Variants in XPO1 observed in about 807,000 individuals in gnomAD.
XPO1 encodes exportin 1, also known as exportin-1.
Under a neutral mutation model 133.3 loss-of-function variants are expected in XPO1, and 5 were observed. The ratio of observed to expected loss-of-function variants is 0.04; its 90% confidence interval spans 0.02 to 0.08. XPO1 has a LOEUF of 0.08. Ranked by LOEUF, XPO1 falls within the 10% of genes least tolerant of loss-of-function variation. XPO1 has a pLI of 1.00. For missense variants in XPO1, 506 were observed against 1,267.5 expected (o/e 0.40, Z 9.12); for synonymous variants, 419 against 408.2 (o/e 1.03, Z -0.32).
chr2:61,523,037 C>T (rs985136042), intron 3 of XPO1, among the ~76,000 whole-genome samples: 1 of 152,200 alleles, frequency 6.6e-6, no homozygotes, highest in African/African-American at 2.4e-5. Context: ...CATAGGCTCA[C>T]GTACTTTAAC....
chr2:61,528,005 C>T (rs1397050893), intron 2 of XPO1, among the ~76,000 whole-genome samples: 1 of 151,450 alleles, frequency 6.6e-6, no homozygotes, highest in African/African-American at 2.4e-5. Context: ...CGACTCACTG[C>T]AACCTTCACC....
intron 16 of XPO1, among the ~76,000 whole-genome samples, chr2:61,491,463 C>A (rs1573125891): frequency 2.3e-5 from 1 of 44,090 alleles, no homozygotes; most frequent in African/African-American, 6.2e-5. Context: ...AAAACAAACA[C>A]ACACACACAC....
rs528408506 is a variant in XPO1, at chr2:61,530,831, C to CA, written c.126+2940dup. ...TCATTAGTGCATATTTTATGAGTAG[C>CA]AAAAAAAAAATTTTTTTAATTTTAA... is the stretch of plus-strand genomic sequence containing the variant. On this transcript the variant is annotated intron_variant, in intron 2 of 24. Coordinates refer to ENST00000401558, the MANE Select transcript of XPO1 (RefSeq NM_003400.4). Among the ~76,000 whole-genome samples the CA allele has an allele frequency of 3.3e-4, 50 of 149,448 alleles. No homozygotes were observed. The South Asian group carries it at 5.1e-3, about 15-fold the overall frequency.
At chr2:61,486,583 G>C (rs1558632570) in intron 19 of XPO1, among the ~76,000 whole-genome samples, 1 of 152,068 alleles carries the variant, frequency 6.6e-6, no homozygotes, top group Non-Finnish European at 1.5e-5. Context: ...AGCCTATCGA[G>C]TAGCTGGGAG....
intron 4 of XPO1, among the ~76,000 whole-genome samples, chr2:61,517,375 G>A (rs1226774722): frequency 1.3e-5 from 2 of 152,162 alleles, no homozygotes; most frequent in African/African-American, 2.4e-5. Flanking sequence ...CTTGAGGCCA[G>A]GAGTTCAAGA....
intron 3 of XPO1, among the ~76,000 whole-genome samples, chr2:61,523,089 A>C (rs1698766907): frequency 6.6e-6 from 1 of 152,228 alleles, no homozygotes; most frequent in African/African-American, 2.4e-5. Flanking sequence ...GATGCTATCA[A>C]GCTTCCTACC....
chr2:61,481,231 A>G lies in XPO1; in HGVS notation c.3023T>C (p.Ile1008Thr). Residue 1008 changes from isoleucine (I) to threonine (T), a missense_variant, in exon 24 of 25, where the codon ATT (isoleucine) becomes ACT (threonine). By Grantham distance (89) the Ile-to-Thr change is moderately conservative. This residue lies in a region of XPO1 where 203 missense variants were observed against 365.9 expected (regional missense o/e 0.55). Coordinates refer to ENST00000401558, the MANE Select transcript of XPO1 (RefSeq NM_003400.4). The part of the protein sequence containing the change: ...VTGLFSLNQD[I>T]PAFKEHLRDF... The stretch of plus-strand genomic sequence containing the variant: ...TCTTAAATGTTCCTTGAAAGCAGGA[A>G]TATCTTGATTTAAGCTGAAAAGCCC... 1 of 1,612,282 alleles carries G rather than the reference A, an allele frequency of 6.2e-7. No individual in the cohort carries two copies. The highest frequency in any genetic ancestry group is 8.5e-7 in the Non-Finnish European group (1 of 1,179,210).
intron 2 of XPO1, among the ~76,000 whole-genome samples, chr2:61,527,063 T>G (rs948031671): frequency 3.9e-4 from 59 of 152,314 alleles, no homozygotes; most frequent in Non-Finnish European, 7.2e-4. Context: ...GTAACATTTT[T>G]GGGAGTAAAT....
chr2:61,503,794 T>C (rs887137354), intron 4 of XPO1, among the ~76,000 whole-genome samples: 1 of 152,178 alleles, frequency 6.6e-6, no homozygotes, highest in Non-Finnish European at 1.5e-5. Context: ...CTGAAACTCC[T>C]GACCTCAAGT....
chr2:61,515,057 G>C (rs1331064821), intron 4 of XPO1, among the ~76,000 whole-genome samples: 1 of 139,148 alleles, frequency 7.2e-6, no homozygotes, highest in African/African-American at 2.7e-5. Context: ...CGACAGAGTA[G>C]TGTGACTGTC....
chr2:61,482,758 ACC>A, intron 22 of XPO1, 197 bp downstream of exon 22: 1 of 753,568 alleles, frequency 1.3e-6, no homozygotes, highest in Non-Finnish European at 2.1e-6. Context: ...ATCACATGCC[ACC>A]ATGCCCAGTA....
intron 2 of XPO1, among the ~76,000 whole-genome samples, chr2:61,530,698 T>A (rs1037520553): frequency 1.3e-5 from 2 of 151,744 alleles, no homozygotes; most frequent in Non-Finnish European, 2.9e-5. Context: ...GTAAATAATT[T>A]CTTCCCCTCC....
chr2:61,531,351 C>T (rs1699146957), intron 2 of XPO1, among the ~76,000 whole-genome samples: 2 of 152,136 alleles, frequency 1.3e-5, no homozygotes, highest in Non-Finnish European at 2.9e-5. Context: ...AACCTATTGT[C>T]CTTACAAACA....
At chr2:61,482,861 A>C (rs868477726) in intron 22 of XPO1, 96 bp downstream of exon 22, 18 of 1,474,722 alleles carry the variant, frequency 1.2e-5, no homozygotes, top group Middle Eastern at 4.0e-4. Context: ...CTGACCTCAT[A>C]ATCTCCCCGC....
At chr2:61,488,806 TAAG>T in intron 17 of XPO1, 35 bp from the exon 18 acceptor site, 1 of 1,607,112 alleles carries the variant, frequency 6.2e-7, no homozygotes, top group Non-Finnish European at 8.5e-7. Context: ...ATTTATCATA[TAAG>T]AATTATCCAC....
intron 5 of XPO1, 22 bp downstream of exon 5, chr2:61,502,226 TA>T (rs771839903): frequency 3.7e-6 from 6 of 1,607,416 alleles, no homozygotes; most frequent in Non-Finnish European, 5.1e-6. Flanking sequence ...GCTCTCCCAA[TA>T]AGCTCCAAAA....
chr2:61,524,422 T>C (rs544551615), intron 3 of XPO1, among the ~76,000 whole-genome samples: 2 of 152,206 alleles, frequency 1.3e-5, no homozygotes, highest in African/African-American at 2.4e-5. Flanking sequence ...TTTCTACAAC[T>C]GTATAAAGGT....
intron 5 of XPO1, 48 bp from the exon 6 acceptor site, chr2:61,502,088 A>C: frequency 6.4e-7 from 1 of 1,557,342 alleles, no homozygotes; most frequent in Non-Finnish European, 8.7e-7. Context: ...AAGTATAAAT[A>C]AGAATATAAC....
In XPO1 at chr2:61,499,738, C is replaced by T; in HGVS notation, c.565G>A (p.Val189Ile). Residue 189 changes from valine (V) to isoleucine (I), a missense_variant, in exon 7 of 25, where the codon GTC becomes ATC. Transcript: ENST00000401558. ...FDFSSGQITQ[V>I]KSKHLKDSMC... ...CTGTCTTTTAAATGCTTAGATTTGA[C>T]TTGGGTTATCTGTCCACTAGAGAAA... is the stretch of plus-strand genomic sequence containing the variant. 1 of 1,588,508 alleles carries T rather than the reference C, an allele frequency of 6.3e-7. No homozygotes were observed. Among genetic ancestry groups the T allele is most frequent in the Non-Finnish European group, 8.5e-7 (1 of 1,173,206 alleles).
Sources: allele counts gnomAD v4.1 joint callset (sites outside exome capture counted in the v4.1 genomes callset), GRCh38; gene constraint gnomAD v4.1.1; regional missense constraint gnomAD v4.1.1; transcripts MANE v1.5; gene names NCBI Gene and HGNC (gene_info 2026-07-23, HGNC 2026-07-21).